The following SLC25A48 variants were observed in gnomAD, a reference collection of about 807,000 sequenced individuals.
SLC25A48 encodes solute carrier family 25 member 48.
Under a neutral mutation model 32.2 loss-of-function variants are expected in SLC25A48, and 29 were observed. That is an observed-to-expected ratio of 0.90 (90% CI 0.67 to 1.23). The LOEUF (loss-of-function observed/expected upper bound fraction) is 1.23, where lower values mean the gene tolerates loss of function less well. Among genes scored for constraint, SLC25A48 ranks in the 50% most tolerant of loss-of-function variants. SLC25A48 has a pLI of 0.00. For synonymous variants in SLC25A48, 164 were observed against 172.3 expected (o/e 0.95, Z 0.38); for missense variants, 399 against 422.7 (o/e 0.94, Z 0.49).
chr5:135,670,567 A>G (rs773250983), intron 3 of SLC25A48, among the ~76,000 whole-genome samples: 1 of 152,222 alleles, frequency 6.6e-6, no homozygotes, highest in Non-Finnish European at 1.5e-5. Flanking sequence ...CCTCAGTTGC[A>G]GTATGAAGAT....
chr5:135,655,428 T>G (rs1332485554), intron 3 of SLC25A48, among the ~76,000 whole-genome samples: 2 of 152,178 alleles, frequency 1.3e-5, no homozygotes, highest in African/African-American at 4.8e-5. Flanking sequence ...GGAGGCTTCT[T>G]CTCCAGGCAG....
chr5:135,795,591 C>T (rs1757148284), intron 3 of SLC25A48, among the ~76,000 whole-genome samples: 1 of 151,794 alleles, frequency 6.6e-6, no homozygotes. Flanking sequence ...TTCCTAACAT[C>T]CAGGGGGAAA....
intron 3 of SLC25A48, among the ~76,000 whole-genome samples, chr5:135,779,337 G>A (rs1756661326): frequency 6.6e-6 from 1 of 151,792 alleles, no homozygotes; most frequent in Admixed American, 6.6e-5. Context: ...GGAGGGGAAG[G>A]ATTTTGTTAC....
intron 4 of SLC25A48, among the ~76,000 whole-genome samples, chr5:135,820,706 G>A (rs187864834): frequency 6.6e-6 from 1 of 152,266 alleles, no homozygotes; most frequent in Admixed American, 6.5e-5. Flanking sequence ...TCAGGTTAGG[G>A]ACAAATAATT....
At chr5:135,588,557 C>T (rs536678457) in intron 1 of SLC25A48, among the ~76,000 whole-genome samples, 35 of 152,178 alleles carry the variant, frequency 2.3e-4, no homozygotes, top group African/African-American at 7.2e-4. Flanking sequence ...AAATGAGTTA[C>T]GGATGCGAGG....
chr5:135,631,592 C>G (rs1253684946), intron 2 of SLC25A48, among the ~76,000 whole-genome samples: 3 of 152,324 alleles, frequency 2.0e-5, no homozygotes, highest in Non-Finnish European at 4.4e-5. Flanking sequence ...CAACAAATGG[C>G]TAATTTTCCA....
intron 3 of SLC25A48, among the ~76,000 whole-genome samples, chr5:135,766,828 C>T (rs1273936595): frequency 6.6e-6 from 1 of 150,920 alleles, no homozygotes. Flanking sequence ...AAGTGTACAC[C>T]ATCTTGCGAT....
intron 4 of SLC25A48, among the ~76,000 whole-genome samples, chr5:135,820,317 A>G (rs1757851810): frequency 6.6e-6 from 1 of 152,242 alleles, no homozygotes; most frequent in Non-Finnish European, 1.5e-5. Context: ...AAGAACATGC[A>G]CTGTGTGATT....
At chr5:135,814,036 C>A (rs1757653772) in intron 4 of SLC25A48, among the ~76,000 whole-genome samples, 2 of 152,198 alleles carry the variant, frequency 1.3e-5, no homozygotes, top group South Asian at 4.1e-4. Context: ...ATCAGAGGCA[C>A]CCATGTGGCG....
rs1752506750 is a variant in SLC25A48, at chr5:135,629,327, G to T, written c.-758G>T. The T allele has an allele frequency of 6.6e-6, 1 of 152,252 alleles. No individual in the cohort carries two copies. Among genetic ancestry groups the T allele is most frequent in the Non-Finnish European group, 1.5e-5 (1 of 68,070 alleles). The allele number at this position is 152,252 out of a possible 1,614,324, so 9.4% of individuals were successfully genotyped here. A position where few individuals can be genotyped will look rare whatever the true frequency, so the allele number is the denominator to read the frequency against. ...CCTGGGTTGGGAATGCAGAAAACAG[G>T]CATGGAATGCCAGGAACGCAGCACC... is the stretch of plus-strand genomic sequence containing the variant. On this transcript the variant is annotated 5_prime_UTR_variant, in exon 2 of 11. Coordinates refer to the SLC25A48 transcript ENST00000646290. The surrounding 1 kb of genome is among the most constrained non-coding windows in gnomAD (Gnocchi z 4.8).
At chr5:135,637,329 TA>T (rs1002498432) in intron 3 of SLC25A48, among the ~76,000 whole-genome samples, 11 of 152,076 alleles carry the variant, frequency 7.2e-5, no homozygotes, top group Non-Finnish European at 1.6e-4. Flanking sequence ...ATCAACTAAT[TA>T]ATTAATTCTC....
At chr5:135,758,500 A>G (rs1156350123) in intron 3 of SLC25A48, among the ~76,000 whole-genome samples, 2 of 150,882 alleles carry the variant, frequency 1.3e-5, no homozygotes, top group Non-Finnish European at 3.0e-5. Flanking sequence ...TTAACACACT[A>G]TGATATTAAT....
intron 3 of SLC25A48, among the ~76,000 whole-genome samples, chr5:135,757,606 T>C (rs924965748): frequency 6.7e-6 from 1 of 149,510 alleles, no homozygotes; most frequent in East Asian, 2.1e-4. Flanking sequence ...AAATATCTTC[T>C]AGATGATATT....
intron 3 of SLC25A48, among the ~76,000 whole-genome samples, chr5:135,804,488 T>C (rs1248699278): frequency 6.6e-6 from 1 of 151,730 alleles, no homozygotes; most frequent in Non-Finnish European, 1.5e-5. Context: ...GTAATACATC[T>C]AATATCATAG....
intron 1 of SLC25A48, among the ~76,000 whole-genome samples, chr5:135,840,723 A>G (rs573539401): frequency 1.3e-5 from 2 of 152,356 alleles, no homozygotes; most frequent in East Asian, 1.9e-4. Flanking sequence ...AGGTGCATCT[A>G]TGCTGTAGCA....
intron 2 of SLC25A48, among the ~76,000 whole-genome samples, chr5:135,848,473 G>C (rs959823510): frequency 5.3e-5 from 8 of 152,196 alleles, no homozygotes; most frequent in Non-Finnish European, 7.3e-5. Flanking sequence ...TGAAGGCCCA[G>C]TTCTCATCTT....
intron 3 of SLC25A48, among the ~76,000 whole-genome samples, chr5:135,692,336 G>T (rs1291407005): frequency 1.7e-5 from 2 of 117,882 alleles, no homozygotes. Flanking sequence ...AAAAAAAAAA[G>T]GTAGTCAGTA....
intron 1 of SLC25A48, among the ~76,000 whole-genome samples, chr5:135,592,605 C>T (rs1751553508): frequency 1.3e-5 from 2 of 152,006 alleles, no homozygotes; most frequent in African/African-American, 4.8e-5. Flanking sequence ...GTGTGATTTA[C>T]TGGAAGAGGA....
chr5:135,596,604 T>C (rs1751656915), intron 1 of SLC25A48, among the ~76,000 whole-genome samples: 1 of 152,098 alleles, frequency 6.6e-6, no homozygotes, highest in Admixed American at 6.6e-5. Flanking sequence ...TGAGCAGAGG[T>C]GCTCAGTTGT....
Sources: allele counts gnomAD v4.1 joint callset (sites outside exome capture counted in the v4.1 genomes callset), GRCh38; gene constraint gnomAD v4.1.1; non-coding constraint Gnocchi (gnomAD v3.1); transcripts MANE v1.5; gene names NCBI Gene and HGNC (gene_info 2026-07-23, HGNC 2026-07-21).